Variants in SRGAP1 observed in about 807,000 individuals in gnomAD.
The protein encoded by SRGAP1 is SLIT-ROBO Rho GTPase activating protein 1.
Under a neutral mutation model 121.9 loss-of-function variants are expected in SRGAP1, and 43 were observed. The ratio of observed to expected loss-of-function variants is 0.35; its 90% CI spans 0.28 to 0.46. The LOEUF (loss-of-function observed/expected upper bound fraction) is 0.46. SRGAP1 is among the 20% of genes least tolerant of loss of function. The pLI is 1.00. For missense variants in SRGAP1, 1,102 were observed against 1,350.9 expected, an observed-to-expected ratio of 0.82 and a Z score of 2.89; for synonymous variants, 447 against 485.4, an observed-to-expected ratio of 0.92 and a Z score of 1.04.
intron 4 of SRGAP1, among the ~76,000 whole-genome samples, chr12:64,029,387 G>A (rs913242988): frequency 2.0e-5 from 3 of 152,266 alleles, no homozygotes; most frequent in African/African-American, 4.8e-5. Context: ...TTCTTTCTAC[G>A]AATATGTAAG....
chr12:64,076,325 G>A (rs1188070341), intron 8 of SRGAP1, among the ~76,000 whole-genome samples: 1 of 152,168 alleles, frequency 6.6e-6, no homozygotes, highest in Non-Finnish European at 1.5e-5. Context: ...AGAAATAAAT[G>A]ACAAAAGAAC....
At chr12:64,006,288 A>C (rs2034079164) in intron 3 of SRGAP1, among the ~76,000 whole-genome samples, 1 of 152,190 alleles carries the variant, frequency 6.6e-6, no homozygotes, top group African/African-American at 2.4e-5. Flanking sequence ...GAGAAAGATA[A>C]GGGTAGATAA....
intron 1 of SRGAP1, among the ~76,000 whole-genome samples, chr12:63,921,533 C>G (rs1469017021): frequency 6.6e-6 from 1 of 152,188 alleles, no homozygotes; most frequent in Non-Finnish European, 1.5e-5. Flanking sequence ...GAATACAACT[C>G]TAAGTAACAT....
Position 64,044,146 on chromosome 12 carries a change from A to C in SRGAP1, c.801+571A>C, listed in dbSNP as rs370923255. Among the ~76,000 whole-genome samples the C allele has an allele frequency of 5.3e-5, 8 of 152,338 alleles. No individual in the cohort carries two copies. In the East Asian group the frequency reaches 1.3e-3, roughly 26 times the overall value. On this transcript the variant is annotated intron_variant, in intron 6 of 21. Coordinates refer to ENST00000355086, the MANE Select transcript of SRGAP1 (RefSeq NM_020762.4). Reference sequence around the variant, plus strand: ...GATATGATATAAAAAAGCAGTAATTAGGTTTATTTAGAGCTCTCCTAATAC... The same window carrying C: ...GATATGATATAAAAAAGCAGTAATTCGGTTTATTTAGAGCTCTCCTAATAC...
intron 6 of SRGAP1, among the ~76,000 whole-genome samples, chr12:64,048,498 T>A (rs2035177502): frequency 6.6e-6 from 1 of 152,192 alleles, no homozygotes; most frequent in African/African-American, 2.4e-5. Flanking sequence ...AATGATTTTC[T>A]TTCTTTTGGG....
chr12:63,877,519 A>G (rs994371157), intron 1 of SRGAP1, among the ~76,000 whole-genome samples: 1 of 152,224 alleles, frequency 6.6e-6, no homozygotes, highest in Non-Finnish European at 1.5e-5. Flanking sequence ...AAACCTCAAC[A>G]TGGACTCATT....
intron 8 of SRGAP1, among the ~76,000 whole-genome samples, chr12:64,072,164 C>G (rs1386522964): frequency 3.7e-5 from 3 of 80,486 alleles, no homozygotes; most frequent in African/African-American, 4.2e-5. Context: ...CGGGGGGGGG[C>G]TCTTTCTGCT....
At chr12:63,892,919 C>T (rs1900634022) in intron 1 of SRGAP1, among the ~76,000 whole-genome samples, 1 of 152,022 alleles carries the variant, frequency 6.6e-6, no homozygotes, top group East Asian at 1.9e-4. Flanking sequence ...ATATTATTAA[C>T]CTAAGTGGTG....
intron 1 of SRGAP1, among the ~76,000 whole-genome samples, chr12:63,918,676 T>A (rs528547183): frequency 1.3e-5 from 2 of 152,268 alleles, no homozygotes; most frequent in East Asian, 3.9e-4. Context: ...CTCGGTCTCC[T>A]AAAGTGCTGG....
chr12:63,958,069 AGAGATACT>A (rs113103957), intron 1 of SRGAP1, among the ~76,000 whole-genome samples: 77,798 of 151,258 alleles, frequency 0.51, 20,261 homozygotes, highest in African/African-American at 0.6. Flanking sequence ...CTGGCTCCAA[AGAGATACT>A]GAGATACTGG....
intron 1 of SRGAP1, among the ~76,000 whole-genome samples, chr12:63,870,092 T>G (rs1899797222): frequency 6.6e-6 from 1 of 152,230 alleles, no homozygotes; most frequent in Non-Finnish European, 1.5e-5. Context: ...TCATTCTGTT[T>G]AAACTTCCAA....
intron 1 of SRGAP1, among the ~76,000 whole-genome samples, chr12:63,935,283 C>G (rs945888734): frequency 6.6e-6 from 1 of 152,140 alleles, no homozygotes; most frequent in Admixed American, 6.5e-5. Flanking sequence ...TAAGAAAACT[C>G]TGTTGGCAAA....
chr12:63,995,469 A>G lies in SRGAP1; in HGVS notation c.426+5397A>G, dbSNP rs2033671098. Among the ~76,000 whole-genome samples, 6 of 152,196 alleles carry G rather than the reference A, an allele frequency of 3.9e-5. No individual in the cohort carries two copies. The South Asian group carries it at 1.2e-3, about 31-fold the overall frequency. On this transcript the variant is annotated intron_variant, in intron 3 of 21. Transcript: ENST00000355086. ...TTTGCCCGTATGTCTTAGATAGTTCATAGCTCCTATGTACTCTGTTGGTAT... is the reference window on the plus strand; with the variant it reads ...TTTGCCCGTATGTCTTAGATAGTTCGTAGCTCCTATGTACTCTGTTGGTAT...
intron 1 of SRGAP1, among the ~76,000 whole-genome samples, chr12:63,981,374 A>G (rs1312209010): frequency 1.3e-5 from 2 of 151,932 alleles, no homozygotes; most frequent in Admixed American, 1.3e-4. Flanking sequence ...AACAAAAACA[A>G]ACAAAAAAAA....
chr12:64,055,086 T>C (rs1466183963), intron 6 of SRGAP1, among the ~76,000 whole-genome samples: 1 of 151,396 alleles, frequency 6.6e-6, no homozygotes, highest in Admixed American at 6.6e-5. Context: ...GACGACATGA[T>C]TGTATATCTA....
At chr12:64,090,936 G>T (rs544355972) in intron 11 of SRGAP1, among the ~76,000 whole-genome samples, 96 of 152,282 alleles carry the variant, frequency 6.3e-4, no homozygotes, top group African/African-American at 2.3e-3. Context: ...GTATCTTACT[G>T]TGTGACTTGT....
intron 1 of SRGAP1, among the ~76,000 whole-genome samples, chr12:63,966,067 G>C (rs1258597186): frequency 6.6e-6 from 1 of 152,174 alleles, no homozygotes; most frequent in African/African-American, 2.4e-5. Flanking sequence ...TGATCCGCCT[G>C]CCTTGGCCTC....
intron 3 of SRGAP1, among the ~76,000 whole-genome samples, chr12:64,006,299 G>A (rs926647528): frequency 1.3e-5 from 2 of 152,184 alleles, no homozygotes; most frequent in Non-Finnish European, 2.9e-5. Context: ...GGGTAGATAA[G>A]ACTCCTGGTG....
At chr12:63,989,637 G>A (rs1046959592) in intron 2 of SRGAP1, among the ~76,000 whole-genome samples, 7 of 152,172 alleles carry the variant, frequency 4.6e-5, no homozygotes, top group African/African-American at 1.7e-4. Flanking sequence ...TGTATATTAG[G>A]GTCCCATGGT....
Sources: gnomAD v4.1 joint callset for allele counts (sites outside exome capture counted in the v4.1 genomes callset) on GRCh38, gnomAD v4.1.1 for gene constraint, MANE v1.5 for transcripts, NCBI Gene and HGNC (gene_info 2026-07-23, HGNC 2026-07-21) for gene names.